The following PGPEP1L variants were observed in gnomAD, a reference collection of about 807,000 sequenced individuals.
PGPEP1L encodes the protein pyroglutamyl-peptidase 1-like protein.
PGPEP1L carries 7 observed loss-of-function variants against 6.0 expected under a neutral mutation model. The observed-to-expected ratio is 1.17, with a 90% CI of 0.66 to 2.19. The LOEUF is 2.19. PGPEP1L is among the 30% of genes most tolerant of loss of function. The pLI is 0.00. For synonymous variants in PGPEP1L, 103 were observed against 83.9 expected, an observed-to-expected ratio of 1.23 and a Z score of -1.24; for missense variants, 209 against 192.5, an observed-to-expected ratio of 1.09 and a Z score of -0.51.
intron 2 of PGPEP1L, among the ~76,000 whole-genome samples, chr15:98,989,878 A>T (rs2017796155): frequency 6.6e-6 from 1 of 152,186 alleles, no homozygotes; most frequent in South Asian, 2.1e-4. Flanking sequence ...ATCCAGCCAA[A>T]CTAAGCTTCA....
intron 2 of PGPEP1L, among the ~76,000 whole-genome samples, chr15:98,996,072 CT>C (rs2017883978): frequency 6.6e-6 from 1 of 152,116 alleles, no homozygotes; most frequent in African/African-American, 2.4e-5. Flanking sequence ...TCTTTTCAGT[CT>C]TTTTGCTTAC....
chr15:99,000,244 C>T (rs568243221), intron 2 of PGPEP1L, among the ~76,000 whole-genome samples: 66 of 152,342 alleles, frequency 4.3e-4, no homozygotes, highest in Admixed American at 7.2e-4. Context: ...GCCTTCCTGC[C>T]GGGCAGGGCT....
intron 2 of PGPEP1L, among the ~76,000 whole-genome samples, chr15:98,976,703 C>T (rs1215168609): frequency 2.6e-5 from 4 of 152,124 alleles, no homozygotes; most frequent in African/African-American, 7.2e-5. Flanking sequence ...GGCCTGAGCA[C>T]GGTGAGCTGG....
intron 3 of PGPEP1L, among the ~76,000 whole-genome samples, 177 bp from the exon 4 acceptor site, chr15:98,969,828 G>C (rs1479242082): frequency 6.6e-6 from 1 of 152,024 alleles, no homozygotes; most frequent in Non-Finnish European, 1.5e-5. Flanking sequence ...AATATGGCTG[G>C]AAAGAAAAAC....
intron 4 of PGPEP1L, among the ~76,000 whole-genome samples, chr15:98,968,963 C>T (rs1353907051): frequency 6.6e-6 from 1 of 152,120 alleles, no homozygotes; most frequent in Non-Finnish European, 1.5e-5. Flanking sequence ...CCAGTGAATC[C>T]CTCTCATTCA....
At chr15:98,972,897 A>G (rs1596511210) in intron 2 of PGPEP1L, among the ~76,000 whole-genome samples, 3 of 147,516 alleles carry the variant, frequency 2.0e-5, no homozygotes, top group East Asian at 3.9e-4. Flanking sequence ...AAAAAAAAAA[A>G]AAAAAGTGCA....
chr15:98,982,017 C>T (rs1242381929), intron 2 of PGPEP1L, among the ~76,000 whole-genome samples: 1 of 152,194 alleles, frequency 6.6e-6, no homozygotes, highest in Non-Finnish European at 1.5e-5. Flanking sequence ...GCTTGTCTTC[C>T]TGTCAACGTG....
At chr15:98,993,765 A>G (rs1317187835) in intron 2 of PGPEP1L, among the ~76,000 whole-genome samples, 2 of 152,130 alleles carry the variant, frequency 1.3e-5, no homozygotes, top group African/African-American at 2.4e-5. Flanking sequence ...TGGCACGTGT[A>G]TACCTATGTA....
At chr15:98,977,036 A>C (rs1438152094) in intron 2 of PGPEP1L, among the ~76,000 whole-genome samples, 2 of 147,328 alleles carry the variant, frequency 1.4e-5, no homozygotes, top group Non-Finnish European at 3.0e-5. Context: ...GTCTGTAGTG[A>C]CTTTGATAAG....
At position 98,968,469 on chromosome 15, in the gene PGPEP1L, AT is replaced by A. The variant is rs1038326156; in HGVS notation, c.*8del. The A allele has an allele frequency of 6.2e-7, 1 of 1,610,686 alleles. No homozygotes were observed. The highest frequency in any genetic ancestry group is 1.3e-5 in the African/African-American group (1 of 74,888). On this transcript the variant is annotated 3_prime_UTR_variant, in exon 5 of 5. Transcript: ENST00000535714. ...ACATTCAATTTTCTCTAGAGGAGCA[AT>A]CCCCCGGTCAGTTCCCTTTGGCTGG...
At position 98,968,539 on chromosome 15, in the gene PGPEP1L, G is replaced by C. The variant is rs538710311; in HGVS notation, c.368C>G (p.Pro123Arg). 2.0e-5 allele frequency: 32 copies of C among 1,612,830 alleles called. No homozygotes were observed. Among genetic ancestry groups the C allele is most frequent in the Non-Finnish European group, 2.7e-5 (32 of 1,179,626 alleles). The change falls in exon 5 of 5, where the codon CCC becomes CGC. Residue 123 changes from proline (P) to arginine (R), a missense_variant. Coordinates refer to ENST00000535714, the MANE Select transcript of PGPEP1L (RefSeq NM_001167902.2). ...TTCTTCGAACTGGGCTCTGTGCTTG[G>C]GCTTTCCCACCTCTTCCAGCATTTC... is the stretch of plus-strand genomic sequence containing the variant. ...IQEMLEEVGKPKHRAQFEENS... is the reference protein window; with the variant it reads ...IQEMLEEVGKRKHRAQFEENS...
At chr15:98,980,030 A>T (rs944158741) in intron 2 of PGPEP1L, among the ~76,000 whole-genome samples, 1 of 152,122 alleles carries the variant, frequency 6.6e-6, no homozygotes, top group African/African-American at 2.4e-5. Context: ...TGGGGACTCG[A>T]TGGGAAAGGG....
chr15:99,003,558 TC>T (rs1331928652), intron 2 of PGPEP1L, among the ~76,000 whole-genome samples: 1 of 152,172 alleles, frequency 6.6e-6, no homozygotes, highest in Non-Finnish European at 1.5e-5. Flanking sequence ...AAGCAATTTG[TC>T]GGAGCCCTCG....
chr15:98,987,639 T>C (rs2017766107), intron 2 of PGPEP1L, among the ~76,000 whole-genome samples: 1 of 152,148 alleles, frequency 6.6e-6, no homozygotes, highest in Non-Finnish European at 1.5e-5. Context: ...ACTTATCTGT[T>C]TTGTAATTTT....
chr15:98,975,998 A>C (rs1401963347), intron 2 of PGPEP1L, among the ~76,000 whole-genome samples: 1 of 152,242 alleles, frequency 6.6e-6, no homozygotes, highest in African/African-American at 2.4e-5. Flanking sequence ...GATTTCACTT[A>C]TATGAAGTAT....
At chr15:98,985,693 C>T (rs1275775093) in intron 2 of PGPEP1L, among the ~76,000 whole-genome samples, 2 of 152,264 alleles carry the variant, frequency 1.3e-5, no homozygotes, top group Non-Finnish European at 2.9e-5. Flanking sequence ...GGAATTCAGG[C>T]ACCACCACTT....
At chr15:98,976,015 T>C (rs969399476) in intron 2 of PGPEP1L, among the ~76,000 whole-genome samples, 1 of 152,030 alleles carries the variant, frequency 6.6e-6, no homozygotes, top group African/African-American at 2.4e-5. Flanking sequence ...GTATCTAGAA[T>C]AGCCAAATTC....
chr15:98,984,371 T>A (rs2017716006), intron 2 of PGPEP1L, among the ~76,000 whole-genome samples: 1 of 152,148 alleles, frequency 6.6e-6, no homozygotes, highest in African/African-American at 2.4e-5. Context: ...AATTGACTCT[T>A]GCTGGGAGAA....
At chr15:98,985,525 AAGACTCCATCT>A (rs1286285444) in intron 2 of PGPEP1L, among the ~76,000 whole-genome samples, 1 of 152,158 alleles carries the variant, frequency 6.6e-6, no homozygotes, top group African/African-American at 2.4e-5. Context: ...GCAACAGAAC[AAGACTCCATCT>A]CAAAACAAAC....
Sources: allele counts gnomAD v4.1 joint callset (sites outside exome capture counted in the v4.1 genomes callset), GRCh38; gene constraint gnomAD v4.1.1; transcripts MANE v1.5; gene names NCBI Gene and HGNC (gene_info 2026-07-23, HGNC 2026-07-21).